The following TUT4 variants were observed in gnomAD, a reference collection of about 807,000 sequenced individuals.
TUT4 encodes the protein terminal uridylyl transferase 4, also known as terminal uridylyltransferase 4.
Under a neutral mutation model 192.2 loss-of-function variants are expected in TUT4, and 36 were observed. The ratio of observed to expected loss-of-function variants is 0.19; its 90% CI spans 0.14 to 0.25. The LOEUF is 0.25. Among genes scored for constraint, TUT4 ranks in the 10% least tolerant of loss-of-function variants. The probability of loss-of-function intolerance (pLI) is 1.00; values close to 1 mark genes in which losing one functional copy is unlikely to be tolerated. For synonymous variants in TUT4, 618 were observed against 666.0 expected, an observed-to-expected ratio of 0.93 and a Z score of 1.11; for missense variants, 1,493 against 1,957.2, an observed-to-expected ratio of 0.76 and a Z score of 4.47.
intron 1 of TUT4, among the ~76,000 whole-genome samples, chr1:52,533,150 C>T (rs1270115355): frequency 1.3e-5 from 2 of 152,320 alleles, no homozygotes; most frequent in Non-Finnish European, 2.9e-5. Flanking sequence ...ACAGCAGGAT[C>T]AATGTAACTT....
chr1:52,486,435 C>T (rs1487249364), intron 9 of TUT4, among the ~76,000 whole-genome samples: 1 of 152,050 alleles, frequency 6.6e-6, no homozygotes, highest in Admixed American at 6.5e-5. Context: ...GAATAATCAA[C>T]TGCAATCTCA....
intron 24 of TUT4, among the ~76,000 whole-genome samples, chr1:52,441,662 T>C (rs1224626857): frequency 2.0e-5 from 3 of 152,146 alleles, no homozygotes; most frequent in Admixed American, 6.6e-5. Flanking sequence ...TAAAGGTAAC[T>C]AAAGAAATAT....
chr1:52,424,185 G>T, intron 29 of TUT4, 183 bp from the exon 30 acceptor site: 1 of 599,466 alleles, frequency 1.7e-6, no homozygotes, highest in Non-Finnish European at 2.9e-6. Flanking sequence ...ATACCTGTAT[G>T]TGAAAAAAGG....
At chr1:52,450,248 T>C (rs1557687539) in intron 20 of TUT4, among the ~76,000 whole-genome samples, 2 of 152,202 alleles carry the variant, frequency 1.3e-5, no homozygotes, top group Admixed American at 1.3e-4. Context: ...CCTTAAAAGA[T>C]AATTGATGCC....
chr1:52,446,588 AC>A lies in TUT4; in HGVS notation c.3513+1del. 1 of 1,601,638 alleles carries A rather than the reference AC, an allele frequency of 6.2e-7. No homozygotes were observed. The highest frequency in any genetic ancestry group is 1.7e-5 in the Admixed American group (1 of 57,306). The stretch of plus-strand genomic sequence containing the variant: ...AGAACATAAAGACTATTTTAAAATT[AC>A]CAGTTCTTCTGTTTTATCAAAGAAG... On this transcript the variant is annotated splice_donor_variant, in intron 21 of 29. Transcript: ENST00000257177. LOFTEE classifies it high-confidence loss of function.
chr1:52,516,771 T>C (rs1678827257), intron 2 of TUT4, among the ~76,000 whole-genome samples: 1 of 152,198 alleles, frequency 6.6e-6, no homozygotes, highest in East Asian at 1.9e-4. Flanking sequence ...CTCCCTAGCA[T>C]ATTACGCACA....
At chr1:52,454,319 C>T (rs116503302) in intron 20 of TUT4, among the ~76,000 whole-genome samples, 2,241 of 152,180 alleles carry the variant, frequency 0.015, 51 homozygotes, top group African/African-American at 0.049. Context: ...AACCCAACCT[C>T]AAGAGTTATT....
At chr1:52,427,923 C>A (rs79671299) in intron 28 of TUT4, among the ~76,000 whole-genome samples, 13,238 of 152,190 alleles carry the variant, frequency 0.087, 734 homozygotes, top group East Asian at 0.2. Flanking sequence ...AGCATTCTTA[C>A]CAACAGAAAG....
chr1:52,457,766 T>G (rs1042635306), intron 20 of TUT4, among the ~76,000 whole-genome samples: 7 of 152,188 alleles, frequency 4.6e-5, no homozygotes, highest in African/African-American at 7.2e-5. Flanking sequence ...ATAAATTGAC[T>G]ACAAAAAGGA....
intron 14 of TUT4, among the ~76,000 whole-genome samples, chr1:52,471,712 G>A (rs1418000078): frequency 6.6e-6 from 1 of 152,128 alleles, no homozygotes; most frequent in East Asian, 1.9e-4. Flanking sequence ...TACCATGTTA[G>A]ACAGCTCATA....
At chr1:52,475,794 T>C (rs1666924603) in intron 12 of TUT4, among the ~76,000 whole-genome samples, 1 of 151,972 alleles carries the variant, frequency 6.6e-6, no homozygotes, top group Non-Finnish European at 1.5e-5. Context: ...ATGGGATGGC[T>C]GAGAAGGCCA....
At chr1:52,468,079 A>G in intron 15 of TUT4, 102 bp downstream of exon 15, 1 of 824,774 alleles carries the variant, frequency 1.2e-6, no homozygotes. Flanking sequence ...CAACTAGAAC[A>G]GTACTTAACA....
intron 1 of TUT4, among the ~76,000 whole-genome samples, chr1:52,551,071 C>T (rs990902429): frequency 6.6e-6 from 1 of 152,128 alleles, no homozygotes; most frequent in African/African-American, 2.4e-5. Context: ...CATTTTGATT[C>T]TAAAAGGTCT....
At chr1:52,431,898 CA>C (rs1652198518) in intron 27 of TUT4, 1 of 157,196 alleles carries the variant, frequency 6.4e-6, no homozygotes, top group Non-Finnish European at 1.4e-5. Flanking sequence ...ATTACATAAG[CA>C]ATCATAATAA....
intron 24 of TUT4, among the ~76,000 whole-genome samples, chr1:52,443,423 C>T (rs192787822): frequency 6.0e-4 from 91 of 151,466 alleles, no homozygotes; most frequent in Non-Finnish European, 1.2e-3. Flanking sequence ...CCCGTCTCTA[C>T]TAAAAATACA....
chr1:52,461,082 T>C, intron 19 of TUT4, 52 bp downstream of exon 19: 1 of 1,429,118 alleles, frequency 7.0e-7, no homozygotes, highest in South Asian at 1.4e-5. Context: ...ATTAGTTATG[T>C]TTCATTTTAA....
chr1:52,541,536 A>G (rs1686679181), intron 1 of TUT4, among the ~76,000 whole-genome samples: 1 of 152,142 alleles, frequency 6.6e-6, no homozygotes, highest in South Asian at 2.1e-4. Context: ...CGTCTCAAAA[A>G]AAAAAAAGAA....
At chr1:52,476,402 T>C (rs764198116) in intron 12 of TUT4, among the ~76,000 whole-genome samples, 1 of 152,162 alleles carries the variant, frequency 6.6e-6, no homozygotes. Flanking sequence ...GCATCCTTAT[T>C]ATTAATAACA....
chr1:52,543,134 A>G (rs1452301931), intron 1 of TUT4, among the ~76,000 whole-genome samples: 5 of 152,188 alleles, frequency 3.3e-5, no homozygotes, highest in African/African-American at 1.2e-4. Context: ...ACGCATCTCA[A>G]TTGGAAAAGA....
Sources: gnomAD v4.1 joint callset for allele counts (sites outside exome capture counted in the v4.1 genomes callset) on GRCh38, gnomAD v4.1.1 for gene constraint, MANE v1.5 for transcripts, NCBI Gene and HGNC (gene_info 2026-07-23, HGNC 2026-07-21) for gene names.